TENM2: variants seen among roughly 807,000 people sequenced by gnomAD.
TENM2 encodes the protein teneurin-2.
TENM2 carries 52 observed loss-of-function variants against 245.2 expected under a neutral mutation model. The observed-to-expected ratio is 0.21, with a 90% confidence interval of 0.17 to 0.27. The LOEUF (loss-of-function observed/expected upper bound fraction) is 0.27, where lower values mean the gene tolerates loss of function less well. Ranked by LOEUF, TENM2 falls within the 10% of genes least tolerant of loss-of-function variation. The probability of loss-of-function intolerance (pLI) is 1.00; values close to 1 mark genes in which losing one functional copy is unlikely to be tolerated. For synonymous variants in TENM2, 1,363 were observed against 1,438.9 expected, an observed-to-expected ratio of 0.95 and a Z score of 1.19; for missense variants, 3,046 against 3,666.8, an observed-to-expected ratio of 0.83 and a Z score of 4.37.
intron 13 of TENM2, among the ~76,000 whole-genome samples, chr5:168,182,430 C>G (rs1020085392): frequency 7.2e-5 from 11 of 152,184 alleles, no homozygotes; most frequent in Admixed American, 2.0e-4. Flanking sequence ...TAGAGCACCT[C>G]TGTGCATTTC....
chr5:167,771,447 T>C (rs1383607791), intron 2 of TENM2, among the ~76,000 whole-genome samples: 2 of 152,194 alleles, frequency 1.3e-5, no homozygotes, highest in African/African-American at 4.8e-5. Flanking sequence ...ACAAGTCAAG[T>C]ACCAATTCAA....
At chr5:167,694,087 G>A (rs1757607009) in intron 2 of TENM2, among the ~76,000 whole-genome samples, 1 of 152,146 alleles carries the variant, frequency 6.6e-6, no homozygotes, top group Non-Finnish European at 1.5e-5. Flanking sequence ...TATCAGAAAT[G>A]TACAAAAATC....
intron 19 of TENM2, among the ~76,000 whole-genome samples, chr5:168,205,571 G>C (rs1240463819): frequency 2.0e-5 from 3 of 152,186 alleles, no homozygotes; most frequent in Non-Finnish European, 4.4e-5. Context: ...GCTAGGATCT[G>C]AGTGATAGAC....
intron 2 of TENM2, among the ~76,000 whole-genome samples, chr5:167,683,986 G>T (rs1253368575): frequency 1.3e-5 from 2 of 152,132 alleles, no homozygotes; most frequent in Non-Finnish European, 2.9e-5. Flanking sequence ...AGAAGACATT[G>T]CACACTCCAT....
Position 168,199,128 on chromosome 5 carries a change from T to C in TENM2, c.3162+14T>C, listed in dbSNP as rs1562272305. The C allele has an allele frequency of 1.2e-6, 2 of 1,606,014 alleles. No individual in the cohort carries two copies. The highest frequency in any genetic ancestry group is 4.5e-5 in the East Asian group (2 of 44,640). ...CCTGAGACCCAGGTAGGAATGGCAGTGCCAGGGCGGGACTCTCAGGACTTC... is the reference window on the plus strand; with the variant it reads ...CCTGAGACCCAGGTAGGAATGGCAGCGCCAGGGCGGGACTCTCAGGACTTC... On this transcript the variant is annotated intron_variant, in intron 16 of 28. Transcript: ENST00000518659.
intron 4 of TENM2, among the ~76,000 whole-genome samples, chr5:167,972,184 A>G (rs1210760345): frequency 6.6e-6 from 1 of 152,258 alleles, no homozygotes; most frequent in Non-Finnish European, 1.5e-5. Context: ...CAGAAAATGG[A>G]AAGGAATATT....
chr5:167,952,971 G>A lies in TENM2; in HGVS notation c.947+149G>A. 7.5e-6 allele frequency: 5 copies of A among 670,372 alleles called. No homozygotes were observed. In the South Asian group the frequency reaches 9.1e-5, roughly 12 times the overall value. The allele number at this position is 670,372 out of a possible 1,614,324, so 41.5% of individuals were successfully genotyped here. A position where few individuals can be genotyped will look rare whatever the true frequency, so the allele number is the denominator to read the frequency against. On this transcript the variant is annotated intron_variant, in intron 4 of 28. Coordinates refer to ENST00000518659, the Ensembl canonical transcript of TENM2. ...AAGTTTACCACCTCCTTGTTCCCTT[G>A]GTAATTTGACCCTGGACAGTAGGTT...
intron 5 of TENM2, among the ~76,000 whole-genome samples, chr5:168,001,642 C>T (rs1306596560): frequency 6.6e-6 from 1 of 152,212 alleles, no homozygotes; most frequent in African/African-American, 2.4e-5. Flanking sequence ...CCAAAGCAAA[C>T]TTCTAAAACA....
chr5:168,209,322 A>G (rs966854920), intron 19 of TENM2, among the ~76,000 whole-genome samples: 5 of 152,214 alleles, frequency 3.3e-5, no homozygotes, highest in African/African-American at 1.2e-4. Context: ...CCAGTTTGTC[A>G]TTGATGTCCT....
At chr5:167,515,680 T>TACACATATATACGTATATATGTA (rs1283561249) in intron 2 of TENM2, among the ~76,000 whole-genome samples, 7 of 55,856 alleles carry the variant, frequency 1.3e-4, no homozygotes, top group Non-Finnish European at 3.2e-4. Context: ...TGTATATATA[T>TACACATATATACGTATATATGTA]TTTGAGAGGG....
intron 3 of TENM2, among the ~76,000 whole-genome samples, chr5:167,878,429 A>G (rs935318813): frequency 7.2e-5 from 11 of 152,142 alleles, no homozygotes; most frequent in Non-Finnish European, 1.3e-4. Context: ...TGAAGGCCCA[A>G]TTGTGCAATA....
chr5:167,800,140 C>G (rs1414815922), intron 2 of TENM2, among the ~76,000 whole-genome samples: 1 of 152,216 alleles, frequency 6.6e-6, no homozygotes, highest in African/African-American at 2.4e-5. Flanking sequence ...TTTTTATCTG[C>G]ACAATGTGCA....
At chr5:167,992,582 C>A (rs1354814892) in intron 4 of TENM2, among the ~76,000 whole-genome samples, 1 of 152,042 alleles carries the variant, frequency 6.6e-6, no homozygotes, top group African/African-American at 2.4e-5. Context: ...GTACCATGAA[C>A]CCAAAATAAA....
chr5:168,107,712 C>T (rs1488387625), intron 9 of TENM2, among the ~76,000 whole-genome samples: 4 of 152,234 alleles, frequency 2.6e-5, no homozygotes, highest in Non-Finnish European at 4.4e-5. Context: ...CCAGTAGTCA[C>T]CCCTCATAAA....
At chr5:168,241,836 A>C (rs1766128873) in intron 25 of TENM2, among the ~76,000 whole-genome samples, 1 of 152,286 alleles carries the variant, frequency 6.6e-6, no homozygotes, top group East Asian at 1.9e-4. Context: ...ATTTGTTTCC[A>C]CCGCTAGTAA....
rs768848830 is a variant in TENM2, at chr5:167,993,171, C to T, written c.1175C>T (p.Ala392Val). The T allele has an allele frequency of 1.5e-5, 25 of 1,613,658 alleles. No homozygotes were observed. The highest frequency in any genetic ancestry group is 3.3e-5 in the Admixed American group (2 of 60,008). The change falls in exon 5 of 29, where the codon GCG becomes GTG. Residue 392 changes from alanine to valine, a missense_variant. Ala to Val is a moderately conservative substitution (Grantham distance 64). Coordinates refer to ENST00000518659, the Ensembl canonical transcript of TENM2. ...GCCCTCCTCTTGGCTATTTTGCTGG[C>T]GTATTTCATAGGTAAGTCAGGGCAG... is the stretch of plus-strand genomic sequence containing the variant.
intron 2 of TENM2, among the ~76,000 whole-genome samples, chr5:167,534,398 C>G (rs1219019041): frequency 1.3e-5 from 2 of 152,164 alleles, no homozygotes; most frequent in Non-Finnish European, 2.9e-5. Context: ...GGCTGGGGCC[C>G]TGTGCAAATT....
chr5:167,508,497 T>G lies in TENM2; in HGVS notation c.502+133024T>G, dbSNP rs149544628. Among the ~76,000 whole-genome samples the G allele has an allele frequency of 2.0e-3, 308 of 152,274 alleles. 3 individuals carry two copies. Among genetic ancestry groups the G allele is most frequent in the African/African-American group, 7.1e-3 (293 of 41,560 alleles). On this transcript the variant is annotated intron_variant, in intron 2 of 28. Coordinates refer to ENST00000518659, the Ensembl canonical transcript of TENM2. ...TCCTGATGGCTCCACATATTCACAG[T>G]CTTTGAAGGAAAAACAAAAAGAATA...
intron 1 of TENM2, among the ~76,000 whole-genome samples, chr5:167,314,772 T>G (rs1292118199): frequency 6.6e-6 from 1 of 152,106 alleles, no homozygotes; most frequent in Non-Finnish European, 1.5e-5. Context: ...ATATGCTACA[T>G]GTAGCCTTAA....
Sources: allele counts gnomAD v4.1 joint callset (sites outside exome capture counted in the v4.1 genomes callset), GRCh38; gene constraint gnomAD v4.1.1; transcripts MANE v1.5; gene names NCBI Gene and HGNC (gene_info 2026-07-23, HGNC 2026-07-21).